The following PHACTR3 variants were observed in gnomAD, a reference collection of about 807,000 sequenced individuals.
PHACTR3 encodes the protein protein phosphatase 1, regulatory subunit 123.
A neutral mutation model predicts 66.8 loss-of-function variants in PHACTR3; 16 were observed. The ratio of observed to expected loss-of-function variants is 0.24; its 90% confidence interval spans 0.16 to 0.36. The LOEUF is 0.36. Ranked by LOEUF, PHACTR3 falls within the 10% of genes least tolerant of loss-of-function variation. The pLI is 1.00. For synonymous variants in PHACTR3, 323 were observed against 292.1 expected, an observed-to-expected ratio of 1.11 and a Z score of -1.08; for missense variants, 647 against 719.9, an observed-to-expected ratio of 0.90 and a Z score of 1.16.
Position 59,830,991 on chromosome 20 carries a change from G to A in PHACTR3, c.1329-5514G>A, listed in dbSNP as rs1294998369. On this transcript the variant is annotated intron_variant, in intron 8 of 12. Transcript: ENST00000371015. The surrounding 1 kb of genome is among the most constrained non-coding windows in gnomAD (Gnocchi z 5.8). ...GTCCTGACTGTCCAGGCTGTCGGCG[G>A]TCTCATCAGCTCCACCTCTAGGCCC... Among the ~76,000 whole-genome samples the A allele has an allele frequency of 1.3e-5, 2 of 152,130 alleles. No homozygotes were observed. Among genetic ancestry groups the A allele is most frequent in the Non-Finnish European group, 2.9e-5 (2 of 68,008 alleles).
At chr20:59,616,447 C>A (rs951008861) in intron 1 of PHACTR3, among the ~76,000 whole-genome samples, 2 of 152,214 alleles carry the variant, frequency 1.3e-5, no homozygotes, top group Non-Finnish European at 2.9e-5. Context: ...AATCAGGCAT[C>A]CCTCTAGAAC....
chr20:59,747,073 AG>A (rs1223665028), intron 2 of PHACTR3, among the ~76,000 whole-genome samples: 1 of 152,220 alleles, frequency 6.6e-6, no homozygotes, highest in African/African-American at 2.4e-5. Flanking sequence ...TGCCTGTGAA[AG>A]AAGGGAGAAT....
chr20:59,728,432 TA>T (rs765143682), intron 1 of PHACTR3, among the ~76,000 whole-genome samples: 43 of 152,116 alleles, frequency 2.8e-4, no homozygotes, highest in Admixed American at 5.2e-4. Context: ...AAACAGGTAT[TA>T]GGGGGAAAAA....
At chr20:59,621,022 GA>G (rs1185900736) in intron 1 of PHACTR3, among the ~76,000 whole-genome samples, 3 of 152,214 alleles carry the variant, frequency 2.0e-5, no homozygotes, top group African/African-American at 7.2e-5. Context: ...AACTGTCCCA[GA>G]CGTGGCCACT....
At chr20:59,793,468 T>C (rs2041162872) in intron 7 of PHACTR3, among the ~76,000 whole-genome samples, 1 of 152,244 alleles carries the variant, frequency 6.6e-6, no homozygotes, top group Admixed American at 6.5e-5. Context: ...CTTTCAATGA[T>C]TCATAATTTT....
intron 11 of PHACTR3, chr20:59,844,957 G>T: frequency 2.7e-6 from 1 of 372,690 alleles, no homozygotes; most frequent in Non-Finnish European, 5.0e-6. Flanking sequence ...CAAATATTAT[G>T]TATCAATAAA....
intron 8 of PHACTR3, among the ~76,000 whole-genome samples, chr20:59,809,482 C>T (rs1372264251): frequency 6.6e-6 from 1 of 152,110 alleles, no homozygotes; most frequent in Non-Finnish European, 1.5e-5. Flanking sequence ...TTTTTGGTTT[C>T]TTCTTTATGT....
chr20:59,804,777 AC>A (rs2041513651), intron 7 of PHACTR3, among the ~76,000 whole-genome samples: 2 of 152,224 alleles, frequency 1.3e-5, no homozygotes, highest in Admixed American at 1.3e-4. Context: ...GCTGAGTTCC[AC>A]TTTTTGTATC....
At chr20:59,648,750 G>A (rs1242288805) in intron 1 of PHACTR3, among the ~76,000 whole-genome samples, 1 of 152,164 alleles carries the variant, frequency 6.6e-6, no homozygotes, top group African/African-American at 2.4e-5. Flanking sequence ...GGACACACTT[G>A]GATTAGGAAA....
At chr20:59,818,003 C>T (rs945855311) in intron 8 of PHACTR3, among the ~76,000 whole-genome samples, 1 of 152,182 alleles carries the variant, frequency 6.6e-6, no homozygotes, top group African/African-American at 2.4e-5. Context: ...TGTAAAGTGA[C>T]TGTCAGCAGC....
chr20:59,705,339 G>A (rs902386196), intron 1 of PHACTR3, among the ~76,000 whole-genome samples: 22 of 152,092 alleles, frequency 1.4e-4, no homozygotes, highest in Non-Finnish European at 2.9e-4. Flanking sequence ...AATTTATTAC[G>A]AGTTTTATTT....
rs2040184582 is a variant in PHACTR3 at position 59,766,449 on chromosome 20, G to A, written c.542-737G>A. On this transcript the variant is annotated intron_variant, in intron 4 of 12. Transcript: ENST00000371015. ...ATTGTTGTTGAAATAATGGATGATG[G>A]AACCCAAGCCAGGCAAAAAGAGAAA... Among the ~76,000 whole-genome samples, 2 of 152,224 alleles carry A rather than the reference G, an allele frequency of 1.3e-5. 1 individual carries two copies. The highest frequency in any genetic ancestry group is 4.1e-4 in the South Asian group (2 of 4,836).
At chr20:59,697,361 C>T (rs2037336848) in intron 1 of PHACTR3, among the ~76,000 whole-genome samples, 1 of 152,214 alleles carries the variant, frequency 6.6e-6, no homozygotes, top group Non-Finnish European at 1.5e-5. Context: ...TATATCATGA[C>T]TTTACGGAAA....
At chr20:59,714,428 C>G (rs2038019668) in intron 1 of PHACTR3, among the ~76,000 whole-genome samples, 1 of 152,202 alleles carries the variant, frequency 6.6e-6, no homozygotes, top group Non-Finnish European at 1.5e-5. Context: ...GATCCTCCAC[C>G]ATTTGGTGAA....
At chr20:59,615,095 T>G (rs1168325093) in intron 1 of PHACTR3, among the ~76,000 whole-genome samples, 1 of 152,168 alleles carries the variant, frequency 6.6e-6, no homozygotes, top group Non-Finnish European at 1.5e-5. Context: ...GATACAGGTT[T>G]TCCATCAAGA....
At chr20:59,693,773 C>G (rs996359538) in intron 1 of PHACTR3, among the ~76,000 whole-genome samples, 1 of 152,176 alleles carries the variant, frequency 6.6e-6, no homozygotes, top group African/African-American at 2.4e-5. Context: ...TTGGTGTCAG[C>G]TGGGATAACT....
chr20:59,744,328 T>A (rs1435897241), intron 2 of PHACTR3, among the ~76,000 whole-genome samples: 2 of 152,158 alleles, frequency 1.3e-5, no homozygotes, highest in Non-Finnish European at 2.9e-5. Flanking sequence ...GATGGCAGTG[T>A]TCTGAGAAGA....
intron 1 of PHACTR3, among the ~76,000 whole-genome samples, chr20:59,597,945 G>A (rs2033370526): frequency 6.6e-6 from 1 of 152,208 alleles, no homozygotes; most frequent in African/African-American, 2.4e-5. Context: ...TTTCCCAGAG[G>A]CCCCAGAAGC....
chr20:59,727,392 G>A lies in PHACTR3; in HGVS notation c.119-15715G>A, dbSNP rs548453747. 2.6e-5 allele frequency among the ~76,000 whole-genome samples: 4 copies of A among 152,250 alleles called. No individual in the cohort carries two copies. The South Asian group carries it at 6.2e-4, about 24-fold the overall frequency. ...CTTTAGGTCATACTTTCTGCCTGAT[G>A]TAAAAGTGCCAGTCGTGTATAAGGA... On this transcript the variant is annotated intron_variant, in intron 1 of 12. Coordinates refer to ENST00000371015, the MANE Select transcript of PHACTR3 (RefSeq NM_080672.5).
Sources: allele counts gnomAD v4.1 joint callset (sites outside exome capture counted in the v4.1 genomes callset), GRCh38; gene constraint gnomAD v4.1.1; non-coding constraint Gnocchi (gnomAD v3.1); transcripts MANE v1.5; gene names NCBI Gene and HGNC (gene_info 2026-07-23, HGNC 2026-07-21).